Variants in SLC36A1 observed in about 807,000 individuals in gnomAD.
The protein encoded by SLC36A1 is solute carrier family 36 member 1.
SLC36A1 carries 30 observed loss-of-function variants against 47.5 expected under a neutral mutation model. The ratio of observed to expected loss-of-function variants is 0.63; its 90% CI spans 0.47 to 0.86. The LOEUF (loss-of-function observed/expected upper bound fraction) is 0.86. Among genes scored for constraint, SLC36A1 ranks in the 40% least tolerant of loss-of-function variants. The probability of loss-of-function intolerance (pLI) is 0.00; values close to 1 mark genes in which losing one functional copy is unlikely to be tolerated. For missense variants in SLC36A1, 517 were observed against 606.0 expected (o/e 0.85, Z 1.54); for synonymous variants, 255 against 249.7 (o/e 1.02, Z -0.20).
At chr5:151,475,413 A>AT (rs1307504643) in intron 8 of SLC36A1, among the ~76,000 whole-genome samples, 4 of 152,266 alleles carry the variant, frequency 2.6e-5, no homozygotes, top group Admixed American at 6.5e-5. Flanking sequence ...TTGTATTTCT[A>AT]TTTTTTTACA....
the SLC36A1 span, chr5:151,517,506 C>G: frequency 7.6e-7 from 1 of 1,313,004 alleles, no homozygotes; most frequent in Non-Finnish European, 1.1e-6. Flanking sequence ...TCCCTGAAAA[C>G]TGTGCAGGGA....
At chr5:151,499,605 T>C in the SLC36A1 span, among the ~76,000 whole-genome samples, 2 of 152,208 alleles carry the variant, frequency 1.3e-5, no homozygotes. Flanking sequence ...GCTCACTTTT[T>C]GAGGGTTCTA....
At chr5:151,464,728 T>C in intron 4 of SLC36A1, 126 bp downstream of exon 4, 3 of 799,260 alleles carry the variant, frequency 3.8e-6, no homozygotes, top group Non-Finnish European at 6.2e-6. Context: ...TAGCAGCTTA[T>C]GATTGCAGCG....
At chr5:151,475,282 T>C (rs1399429893) in intron 8 of SLC36A1, among the ~76,000 whole-genome samples, 1 of 152,248 alleles carries the variant, frequency 6.6e-6, no homozygotes, top group Non-Finnish European at 1.5e-5. Flanking sequence ...CTAAGGGACC[T>C]TGTGCTAAAT....
chr5:151,468,269 A>ATATATATATATATATATATATATAT (rs1756811499), intron 7 of SLC36A1, among the ~76,000 whole-genome samples: 1 of 81,618 alleles, frequency 1.2e-5, no homozygotes, highest in Non-Finnish European at 2.2e-5. Flanking sequence ...AAAAAAAAAT[A>ATATATATATATATATATATATATAT]TATATATATA....
At chr5:151,497,767 C>G in the SLC36A1 span, among the ~76,000 whole-genome samples, 1 of 151,946 alleles carries the variant, frequency 6.6e-6, no homozygotes, top group Non-Finnish European at 1.5e-5. Flanking sequence ...GGGCCTCTGC[C>G]CACTAGATGT....
the SLC36A1 span, among the ~76,000 whole-genome samples, chr5:151,384,995 A>G: frequency 0.015 from 1,615 of 105,152 alleles, 16 homozygotes; most frequent in South Asian, 0.035. Flanking sequence ...TGGGTGTGTG[A>G]GAGAGAGAGA....
chr5:151,367,159 C>G, the SLC36A1 span, among the ~76,000 whole-genome samples: 1 of 152,152 alleles, frequency 6.6e-6, no homozygotes, highest in Admixed American at 6.5e-5. Flanking sequence ...CACGTATTGT[C>G]TTGATAAACA....
chr5:151,473,114 G>T (rs1757539249), intron 7 of SLC36A1, among the ~76,000 whole-genome samples: 1 of 152,124 alleles, frequency 6.6e-6, no homozygotes, highest in African/African-American at 2.4e-5. Context: ...GAGGGAGGTT[G>T]CAGTGAGCCG....
chr5:151,526,416 T>TA, the SLC36A1 span, among the ~76,000 whole-genome samples: 1 of 152,212 alleles, frequency 6.6e-6, no homozygotes, highest in South Asian at 2.1e-4. Context: ...TAAGCACACT[T>TA]AAAGATGACT....
At chr5:151,348,824 C>T in the SLC36A1 span, among the ~76,000 whole-genome samples, 1 of 152,154 alleles carries the variant, frequency 6.6e-6, no homozygotes, top group African/African-American at 2.4e-5. Context: ...CCCCGCTAGC[C>T]AGGTTTTTTT....
chr5:151,527,918 G>C, the SLC36A1 span: 1 of 1,546,750 alleles, frequency 6.5e-7, no homozygotes, highest in Non-Finnish European at 8.8e-7. Flanking sequence ...TCTTGACAGC[G>C]ATTCATCTTC....
the SLC36A1 span, among the ~76,000 whole-genome samples, chr5:151,354,021 C>G: frequency 2.0e-5 from 3 of 152,222 alleles, no homozygotes; most frequent in South Asian, 2.1e-4. Context: ...AAGCTACTAT[C>G]TGCCGGGTGC....
chr5:151,458,672 G>A (rs1275910072), intron 1 of SLC36A1, 116 bp from the exon 2 acceptor site: 34 of 1,110,082 alleles, frequency 3.1e-5, no homozygotes, highest in Non-Finnish European at 4.3e-5. Context: ...AATCCATAGT[G>A]GAGCTGTCAC....
chr5:151,425,628 A>G, the SLC36A1 span, among the ~76,000 whole-genome samples: 2 of 152,166 alleles, frequency 1.3e-5, no homozygotes, highest in Non-Finnish European at 2.9e-5. Flanking sequence ...TGAATAAATT[A>G]ATTAGGTAAA....
chr5:151,456,302 C>T (rs1754494326), intron 1 of SLC36A1, among the ~76,000 whole-genome samples: 1 of 152,174 alleles, frequency 6.6e-6, no homozygotes, highest in Non-Finnish European at 1.5e-5. Flanking sequence ...AGACACTGCA[C>T]TCAGCTGCTG....
upstream of SLC36A1, among the ~76,000 whole-genome samples, chr5:151,447,376 G>C (rs1752990870): frequency 6.6e-6 from 1 of 152,210 alleles, no homozygotes; most frequent in Non-Finnish European, 1.5e-5. Context: ...CAACTCAAGG[G>C]ACAGTGCTCT....
At chr5:151,540,578 G>A in the SLC36A1 span, 9 of 1,613,150 alleles carry the variant, frequency 5.6e-6, no homozygotes, top group South Asian at 1.1e-5. Context: ...TGTGAACACT[G>A]TGGGCTGTTA....
the SLC36A1 span, among the ~76,000 whole-genome samples, chr5:151,400,817 T>G: frequency 6.6e-6 from 1 of 152,234 alleles, no homozygotes; most frequent in Non-Finnish European, 1.5e-5. Context: ...CTTGTATGTC[T>G]TCTTTTGAGA....
Sources: gnomAD v4.1 joint callset for allele counts (sites outside exome capture counted in the v4.1 genomes callset) on GRCh38, gnomAD v4.1.1 for gene constraint, MANE v1.5 for transcripts, NCBI Gene and HGNC (gene_info 2026-07-23, HGNC 2026-07-21) for gene names.